Variants in STRN observed in about 807,000 individuals in gnomAD.
STRN encodes the protein protein phosphatase 2 regulatory subunit B'''alpha.
Under a neutral mutation model 96.3 loss-of-function variants are expected in STRN, and 53 were observed. That is an observed-to-expected ratio of 0.55 (90% CI 0.44 to 0.69). The LOEUF (loss-of-function observed/expected upper bound fraction) is 0.69. Among genes scored for constraint, STRN ranks in the 30% least tolerant of loss-of-function variants. STRN has a pLI of 0.00. For synonymous variants in STRN, 428 were observed against 355.9 expected (o/e 1.20, Z -2.28); for missense variants, 987 against 963.9 (o/e 1.02, Z -0.32).
intron 15 of STRN, among the ~76,000 whole-genome samples, chr2:36,852,164 G>A (rs1244598760): frequency 1.3e-5 from 2 of 152,134 alleles, no homozygotes; most frequent in Non-Finnish European, 2.9e-5. Context: ...GTTCCTAAAT[G>A]ATCACACATT....
At chr2:36,887,266 A>AAAATAAAT (rs34577574) in intron 7 of STRN, among the ~76,000 whole-genome samples, 7,730 of 136,378 alleles carry the variant, frequency 0.057, 285 homozygotes, top group East Asian at 0.11. Flanking sequence ...CATTTCTAGT[A>AAAATAAAT]AAATAAATAA....
chr2:36,917,896 A>G (rs1670151257), intron 2 of STRN, among the ~76,000 whole-genome samples: 1 of 152,200 alleles, frequency 6.6e-6, no homozygotes. Context: ...ACAAAATACT[A>G]TGTATGTCTC....
At chr2:36,952,904 C>T (rs1413871577) in intron 1 of STRN, among the ~76,000 whole-genome samples, 1 of 152,186 alleles carries the variant, frequency 6.6e-6, no homozygotes, top group Admixed American at 6.5e-5. Context: ...ATAATTTAAG[C>T]TCTTTTGCTC....
intron 1 of STRN, among the ~76,000 whole-genome samples, chr2:36,936,749 G>C (rs1309197716): frequency 6.6e-6 from 1 of 152,106 alleles, no homozygotes; most frequent in Non-Finnish European, 1.5e-5. Flanking sequence ...CATTTAATTT[G>C]ATTATTTTTG....
intron 12 of STRN, among the ~76,000 whole-genome samples, chr2:36,866,152 G>A (rs936711041): frequency 6.6e-6 from 1 of 152,018 alleles, no homozygotes; most frequent in Non-Finnish European, 1.5e-5. Context: ...TCAGCTCACT[G>A]CAAACTCCAC....
chr2:36,892,086 C>T (rs1669416275), intron 7 of STRN, among the ~76,000 whole-genome samples: 1 of 152,182 alleles, frequency 6.6e-6, no homozygotes, highest in South Asian at 2.1e-4. Flanking sequence ...ACCTGTGTCC[C>T]AGTCTTACAG....
chr2:36,957,736 C>CTTTTTT (rs1470880818), intron 1 of STRN, among the ~76,000 whole-genome samples: 1 of 96,292 alleles, frequency 1.0e-5, no homozygotes, highest in Non-Finnish European at 2.3e-5. Flanking sequence ...CATAGTTCTT[C>CTTTTTT]TTTTTGTCTT....
chr2:36,934,989 A>T (rs1458998206), intron 1 of STRN, among the ~76,000 whole-genome samples: 1 of 152,240 alleles, frequency 6.6e-6, no homozygotes, highest in Non-Finnish European at 1.5e-5. Context: ...GAGGCACAAG[A>T]ATCGCTTGAA....
chr2:36,947,793 T>C (rs551516979), intron 1 of STRN, among the ~76,000 whole-genome samples: 2 of 151,876 alleles, frequency 1.3e-5, no homozygotes, highest in African/African-American at 4.8e-5. Context: ...CATTCTGTGA[T>C]GATATGGAAC....
At chr2:36,851,702 T>C (rs1454909570) in intron 15 of STRN, among the ~76,000 whole-genome samples, 1 of 152,214 alleles carries the variant, frequency 6.6e-6, no homozygotes, top group African/African-American at 2.4e-5. Flanking sequence ...TACAATGTTC[T>C]GTGAGATTTT....
chr2:36,859,435 C>G (rs1324781607), intron 13 of STRN, among the ~76,000 whole-genome samples: 1 of 152,148 alleles, frequency 6.6e-6, no homozygotes, highest in African/African-American at 2.4e-5. Flanking sequence ...AACAGGGAAT[C>G]TGAAGTAATT....
At chr2:36,907,205 A>G (rs1480037721) in intron 3 of STRN, among the ~76,000 whole-genome samples, 1 of 152,184 alleles carries the variant, frequency 6.6e-6, no homozygotes, top group African/African-American at 2.4e-5. Flanking sequence ...GATCTTATTC[A>G]AGTGGAGATA....
intron 1 of STRN, among the ~76,000 whole-genome samples, chr2:36,945,099 TA>T (rs1461800766): frequency 3.3e-4 from 50 of 152,132 alleles, no homozygotes; most frequent in African/African-American, 1.1e-3. Flanking sequence ...TTAATATACA[TA>T]AAACATCACA....
chr2:36,911,638 AC>A (rs1275134302), intron 3 of STRN, among the ~76,000 whole-genome samples: 2 of 152,050 alleles, frequency 1.3e-5, no homozygotes, highest in South Asian at 4.2e-4. Flanking sequence ...CTACCCCCTT[AC>A]TTTTAATTCA....
At position 36,879,470 on chromosome 2, in the gene STRN, T is replaced by G. The variant is rs565281495; in HGVS notation, c.1187-1443A>C. ...TGTGAATAACCTGAAATATCCTATT[T>G]TGTAACATTTTGAACATAACAATCC... On this transcript the variant is annotated intron_variant, in intron 9 of 17. Coordinates refer to ENST00000263918, the MANE Select transcript of STRN (RefSeq NM_003162.4). 2.0e-3 allele frequency among the ~76,000 whole-genome samples: 299 copies of G among 152,392 alleles called. 1 individual carries two copies. The highest frequency in any genetic ancestry group is 3.6e-3 in the Non-Finnish European group (242 of 68,040).
intron 14 of STRN, among the ~76,000 whole-genome samples, chr2:36,856,659 C>T (rs899139789): frequency 3.3e-5 from 5 of 152,130 alleles, no homozygotes; most frequent in African/African-American, 1.2e-4. Context: ...CTTGGAAAGA[C>T]ACGAAGGAAC....
At chr2:36,951,055 C>T (rs777518573) in intron 1 of STRN, among the ~76,000 whole-genome samples, 1 of 151,710 alleles carries the variant, frequency 6.6e-6, no homozygotes, top group Non-Finnish European at 1.5e-5. Flanking sequence ...GATTTATCTA[C>T]AAGAAAAAAT....
intron 1 of STRN, among the ~76,000 whole-genome samples, chr2:36,934,592 T>C (rs1255181508): frequency 6.6e-6 from 1 of 152,208 alleles, no homozygotes; most frequent in East Asian, 1.9e-4. Flanking sequence ...AGAAGTATTC[T>C]TCAATAGGCA....
In STRN at chr2:36,899,584, C is replaced by A. The variant is rs779048183; in HGVS notation, c.734G>T (p.Ser245Ile). 2.5e-6 allele frequency: 4 copies of A among 1,613,652 alleles called. No individual in the cohort carries two copies. The highest frequency in any genetic ancestry group is 1.7e-5 in the Admixed American group (1 of 59,884). ...KFLESAAADF[S>I]DEDEDDDVDG... ...AACATCATCATCTTCATCTTCATCA[C>A]TGAAATCTGCAGCTGCACTTTCAAG... Residue 245 changes from serine (S) to isoleucine (I), a missense_variant, in exon 6 of 18, where the codon AGT (serine) becomes ATT (isoleucine). Physicochemically the swap from Ser to Ile is moderately radical, Grantham distance 142. Coordinates refer to ENST00000263918, the MANE Select transcript of STRN (RefSeq NM_003162.4).
Sources: allele counts gnomAD v4.1 joint callset (sites outside exome capture counted in the v4.1 genomes callset), GRCh38; gene constraint gnomAD v4.1.1; transcripts MANE v1.5; gene names NCBI Gene and HGNC (gene_info 2026-07-23, HGNC 2026-07-21).